Variants in CAB39L observed in about 807,000 individuals in gnomAD.
CAB39L encodes the protein calcium-binding protein 39-like.
Under a neutral mutation model 39.1 loss-of-function variants are expected in CAB39L, and 23 were observed. The observed-to-expected ratio is 0.59, with a 90% CI of 0.42 to 0.83. The LOEUF (loss-of-function observed/expected upper bound fraction) is 0.83. Ranked by LOEUF, CAB39L falls within the 40% of genes least tolerant of loss-of-function variation. The pLI, the probability that CAB39L is intolerant of heterozygous loss-of-function variation, is 0.00. For synonymous variants in CAB39L, 126 were observed against 137.2 expected (o/e 0.92, Z 0.57); for missense variants, 366 against 391.9 (o/e 0.93, Z 0.56).
intron 3 of CAB39L, among the ~76,000 whole-genome samples, chr13:49,387,362 A>G (rs987474925): frequency 6.6e-6 from 1 of 152,244 alleles, no homozygotes; most frequent in African/African-American, 2.4e-5. Flanking sequence ...CAGAGTTTTA[A>G]GAACATACAT....
chr13:49,430,689 T>C (rs1164074069), intron 3 of CAB39L, among the ~76,000 whole-genome samples: 1 of 152,232 alleles, frequency 6.6e-6, no homozygotes, highest in Non-Finnish European at 1.5e-5. Context: ...GACTAAACTT[T>C]TTCTCAAGTA....
intron 3 of CAB39L, among the ~76,000 whole-genome samples, chr13:49,399,360 C>T (rs1956716098): frequency 6.6e-6 from 1 of 152,074 alleles, no homozygotes; most frequent in Non-Finnish European, 1.5e-5. Flanking sequence ...AACCCATAAG[C>T]ATCCTTCCAA....
In CAB39L at chr13:49,378,267, G is replaced by C. The variant is rs1414884968; in HGVS notation, c.112-1136C>G. ...ACCCCGTCAGGGAGGGAGGTGGGGG[G>C]GGGTCAACCCCCCGCCCGGCCAGCC... On this transcript the variant is annotated intron_variant, in intron 4 of 10. Transcript: ENST00000409308. Among the ~76,000 whole-genome samples, 2 of 91,282 alleles carry C rather than the reference G, an allele frequency of 2.2e-5. 1 individual carries two copies. Among genetic ancestry groups the C allele is most frequent in the Non-Finnish European group, 4.5e-5 (2 of 44,752 alleles). The allele number at this position is 91,282 out of a possible 152,430, so 59.9% of individuals were successfully genotyped here.
intron 6 of CAB39L, among the ~76,000 whole-genome samples, chr13:49,357,222 A>G (rs1566087006): frequency 6.6e-6 from 1 of 152,176 alleles, no homozygotes; most frequent in Non-Finnish European, 1.5e-5. Context: ...TCAGATCTGC[A>G]TGGAAAACTA....
chr13:49,435,088 C>A (rs759893609), intron 1 of CAB39L, among the ~76,000 whole-genome samples: 1 of 152,168 alleles, frequency 6.6e-6, no homozygotes, highest in Non-Finnish European at 1.5e-5. Context: ...CTTTTCCATG[C>A]CTTTGTTTTT....
intron 3 of CAB39L, among the ~76,000 whole-genome samples, chr13:49,412,377 AAT>A (rs1957008044): frequency 7.1e-6 from 1 of 141,644 alleles, no homozygotes; most frequent in Non-Finnish European, 1.6e-5. Context: ...AAAAAAAAAA[AAT>A]GGCAAAAACC....
At chr13:49,400,442 A>AC (rs1956739639) in intron 3 of CAB39L, among the ~76,000 whole-genome samples, 4 of 127,290 alleles carry the variant, frequency 3.1e-5, no homozygotes, top group African/African-American at 1.2e-4. Context: ...ATACAAACAC[A>AC]AACACACACA....
At chr13:49,329,516 C>G (rs1954606284) in intron 10 of CAB39L, among the ~76,000 whole-genome samples, 1 of 127,580 alleles carries the variant, frequency 7.8e-6, no homozygotes. Flanking sequence ...CATACCTTGT[C>G]CTACATATCT....
At chr13:49,378,593 G>C (rs1217618864) in intron 4 of CAB39L, among the ~76,000 whole-genome samples, 1 of 74,420 alleles carries the variant, frequency 1.3e-5, no homozygotes, top group Non-Finnish European at 2.7e-5. Flanking sequence ...AGGTGGGGGG[G>C]TCAGCCCTCC....
At chr13:49,357,657 C>T (rs138932494) in intron 6 of CAB39L, among the ~76,000 whole-genome samples, 4 of 152,102 alleles carry the variant, frequency 2.6e-5, no homozygotes, top group African/African-American at 4.8e-5. Flanking sequence ...TTTTCAAATA[C>T]GCATTCTCTT....
chr13:49,431,501 G>A (rs1594098344), intron 3 of CAB39L, among the ~76,000 whole-genome samples: 1 of 152,090 alleles, frequency 6.6e-6, no homozygotes, highest in African/African-American at 2.4e-5. Context: ...GAGGTCAGGA[G>A]TTCCAGACCA....
chr13:49,334,764 T>C (rs371064227), intron 9 of CAB39L, among the ~76,000 whole-genome samples: 3 of 152,176 alleles, frequency 2.0e-5, no homozygotes, highest in East Asian at 1.9e-4. Flanking sequence ...GAAAAAGAGA[T>C]TGCAAACAGA....
At chr13:49,434,565 T>C (rs561737373) in intron 1 of CAB39L, among the ~76,000 whole-genome samples, 1 of 152,252 alleles carries the variant, frequency 6.6e-6, no homozygotes, top group East Asian at 1.9e-4. Context: ...GTCCAACAAC[T>C]ATCAACATTT....
intron 3 of CAB39L, among the ~76,000 whole-genome samples, chr13:49,403,060 T>A (rs1956806032): frequency 6.6e-6 from 1 of 152,170 alleles, no homozygotes; most frequent in Non-Finnish European, 1.5e-5. Context: ...ACTGGGAGAC[T>A]GTATATCAAT....
intron 10 of CAB39L, among the ~76,000 whole-genome samples, chr13:49,323,844 C>T (rs1954424024): frequency 6.6e-6 from 1 of 152,014 alleles, no homozygotes; most frequent in Non-Finnish European, 1.5e-5. Flanking sequence ...GAGAGGATGC[C>T]CCATTAAATT....
chr13:49,346,896 C>T (rs369092245), intron 7 of CAB39L, among the ~76,000 whole-genome samples: 24 of 152,196 alleles, frequency 1.6e-4, no homozygotes, highest in African/African-American at 5.5e-4. Flanking sequence ...GTATGGAATC[C>T]TTTTTGGGAA....
intron 3 of CAB39L, among the ~76,000 whole-genome samples, chr13:49,403,299 C>T (rs1380315362): frequency 6.6e-6 from 1 of 152,074 alleles, no homozygotes; most frequent in Non-Finnish European, 1.5e-5. Flanking sequence ...GTTCTGGTCC[C>T]TCTTAATAGA....
chr13:49,376,358 A>G (rs140858142), intron 5 of CAB39L, among the ~76,000 whole-genome samples: 135 of 152,360 alleles, frequency 8.9e-4, no homozygotes, highest in African/African-American at 3.1e-3. Flanking sequence ...GAGTTACACA[A>G]TAGATAATAA....
chr13:49,377,116 A>G lies in CAB39L; in HGVS notation c.127T>C (p.Ser43Pro), dbSNP rs750537583. The change falls in exon 5 of 11, where the codon TCT (serine) becomes CCT (proline). Residue 43 changes from serine (S) to proline (P), a missense_variant. Coordinates refer to ENST00000409308, the MANE Select transcript of CAB39L (RefSeq NM_001079670.3). ...TCTTTCATTGCTTGCAGTGATTTAG[A>G]CACTTCTTCTGAAGCCTAGTGACCA... ...KKTDKASEEVSKSLQAMKEIL... is the reference protein window; with the variant it reads ...KKTDKASEEVPKSLQAMKEIL... 1 of 1,613,552 alleles carries G rather than the reference A, an allele frequency of 6.2e-7. No individual in the cohort carries two copies. Among genetic ancestry groups the G allele is most frequent in the East Asian group, 2.2e-5 (1 of 44,890 alleles).
Sources: gnomAD v4.1 joint callset for allele counts (sites outside exome capture counted in the v4.1 genomes callset) on GRCh38, gnomAD v4.1.1 for gene constraint, MANE v1.5 for transcripts, NCBI Gene and HGNC (gene_info 2026-07-23, HGNC 2026-07-21) for gene names.